The following GULP1 variants were observed in gnomAD, a reference collection of about 807,000 sequenced individuals.
GULP1 encodes the protein PTB domain-containing engulfment adapter protein 1.
A neutral mutation model predicts 40.9 loss-of-function variants in GULP1; 19 were observed. That is an observed-to-expected ratio of 0.46 (90% CI 0.32 to 0.68). GULP1 has a LOEUF of 0.68. Ranked by LOEUF, GULP1 falls within the 30% of genes least tolerant of loss-of-function variation. The pLI, the probability that GULP1 is intolerant of heterozygous loss-of-function variation, is 0.03. For synonymous variants in GULP1, 119 were observed against 117.6 expected (o/e 1.01, Z -0.08); for missense variants, 312 against 362.2 (o/e 0.86, Z 1.12).
chr2:188,313,466 G>C (rs577113380), intron 1 of GULP1, among the ~76,000 whole-genome samples: 29 of 152,082 alleles, frequency 1.9e-4, no homozygotes, highest in Middle Eastern at 3.2e-3. Flanking sequence ...CTGCTCCATT[G>C]GTCTATATGT....
intron 5 of GULP1, among the ~76,000 whole-genome samples, chr2:188,527,026 C>A (rs1160152965): frequency 1.3e-5 from 2 of 152,052 alleles, no homozygotes; most frequent in African/African-American, 4.8e-5. Flanking sequence ...TTTTATTTTT[C>A]TTTATCTCAT....
At chr2:188,349,512 ATGTGCT>A (rs2044160177) in intron 1 of GULP1, among the ~76,000 whole-genome samples, 1 of 152,062 alleles carries the variant, frequency 6.6e-6, no homozygotes, top group African/African-American at 2.4e-5. Context: ...ATATCTTTTC[ATGTGCT>A]TATTAATCAT....
chr2:188,330,372 T>C (rs1313725509), intron 1 of GULP1, among the ~76,000 whole-genome samples: 2 of 152,098 alleles, frequency 1.3e-5, no homozygotes. Context: ...TGTTTGAAAA[T>C]ATTATTTGTC....
At chr2:188,293,372 C>T (rs1349113379) in intron 1 of GULP1, among the ~76,000 whole-genome samples, 1 of 152,182 alleles carries the variant, frequency 6.6e-6, no homozygotes, top group African/African-American at 2.4e-5. Flanking sequence ...AAATACGTTA[C>T]ACCAACATTT....
At chr2:188,515,270 ACT>A (rs1009739684) in intron 4 of GULP1, among the ~76,000 whole-genome samples, 1 of 152,086 alleles carries the variant, frequency 6.6e-6, no homozygotes, top group African/African-American at 2.4e-5. Context: ...TTCCTTGAAC[ACT>A]CATCTTATTC....
intron 4 of GULP1, among the ~76,000 whole-genome samples, chr2:188,489,282 A>G (rs1423907853): frequency 6.6e-6 from 1 of 152,028 alleles, no homozygotes. Context: ...TTGCAATTTC[A>G]TGAGATTCTT....
intron 3 of GULP1, among the ~76,000 whole-genome samples, chr2:188,479,575 A>C (rs2061292949): frequency 6.6e-6 from 1 of 152,062 alleles, no homozygotes; most frequent in South Asian, 2.1e-4. Context: ...ACTGTGCTCA[A>C]TCTGAAGTAT....
intron 9 of GULP1, chr2:188,582,652 A>G (rs1701559476): frequency 2.5e-6 from 1 of 394,132 alleles, no homozygotes; most frequent in East Asian, 7.2e-5. Context: ...AAAGTTATCA[A>G]AAATTTAGAT....
intron 2 of GULP1, among the ~76,000 whole-genome samples, chr2:188,412,658 C>G (rs963675721): frequency 6.6e-6 from 1 of 152,184 alleles, no homozygotes; most frequent in Non-Finnish European, 1.5e-5. Context: ...TTATCCACTT[C>G]CCTTGAGAGC....
chr2:188,427,165 T>A (rs1425928225), intron 2 of GULP1, among the ~76,000 whole-genome samples: 1 of 152,218 alleles, frequency 6.6e-6, no homozygotes, highest in Non-Finnish European at 1.5e-5. Flanking sequence ...TCTACTAGCC[T>A]GTGCTCATAT....
intron 2 of GULP1, among the ~76,000 whole-genome samples, chr2:188,441,593 C>T (rs2057940534): frequency 6.6e-6 from 1 of 152,170 alleles, no homozygotes; most frequent in South Asian, 2.1e-4. Context: ...TGCCTAGCCA[C>T]AGTGAATCTT....
At chr2:188,350,178 CTGGGTTCCTTGT>C (rs1458848742) in intron 1 of GULP1, among the ~76,000 whole-genome samples, 1 of 151,982 alleles carries the variant, frequency 6.6e-6, no homozygotes, top group Admixed American at 6.6e-5. Flanking sequence ...TTTGTCCATT[CTGGGTTCCTTGT>C]ATTTCTATAT....
At chr2:188,381,392 G>C (rs1281420898) in intron 1 of GULP1, among the ~76,000 whole-genome samples, 1 of 150,006 alleles carries the variant, frequency 6.7e-6, no homozygotes, top group East Asian at 1.9e-4. Context: ...AAAAATAAAG[G>C]CTACGGGGAT....
At chr2:188,429,716 T>G (rs909193941) in intron 2 of GULP1, among the ~76,000 whole-genome samples, 1 of 151,994 alleles carries the variant, frequency 6.6e-6, no homozygotes, top group South Asian at 2.1e-4. Flanking sequence ...TTTTGTTGTT[T>G]TTTTTTTTAA....
intron 1 of GULP1, among the ~76,000 whole-genome samples, chr2:188,360,844 A>G (rs2045976012): frequency 6.6e-6 from 1 of 152,118 alleles, no homozygotes; most frequent in South Asian, 2.1e-4. Flanking sequence ...GATTTTAAGA[A>G]TTGAAAAGTA....
chr2:188,472,790 C>T (rs2060698034), intron 2 of GULP1, among the ~76,000 whole-genome samples: 1 of 152,232 alleles, frequency 6.6e-6, no homozygotes, highest in South Asian at 2.1e-4. Context: ...TTTTCTCATG[C>T]CTGATTTAGT....
intron 4 of GULP1, among the ~76,000 whole-genome samples, chr2:188,492,226 T>A (rs2062462226): frequency 6.6e-6 from 1 of 152,070 alleles, no homozygotes; most frequent in Non-Finnish European, 1.5e-5. Flanking sequence ...TTTACATTAT[T>A]AGGTCTTCAA....
intron 1 of GULP1, among the ~76,000 whole-genome samples, chr2:188,359,365 C>A (rs1056045941): frequency 3.3e-5 from 5 of 151,984 alleles, no homozygotes; most frequent in Admixed American, 3.3e-4. Flanking sequence ...GCTAAATAAA[C>A]GGGGCTGTGA....
chr2:188,448,011 A>G (rs552417743), intron 2 of GULP1, among the ~76,000 whole-genome samples: 1 of 152,364 alleles, frequency 6.6e-6, no homozygotes, highest in African/African-American at 2.4e-5. Context: ...AATCAGACAC[A>G]TAGACTGAAG....
Sources: gnomAD v4.1 joint callset for allele counts (sites outside exome capture counted in the v4.1 genomes callset) on GRCh38, gnomAD v4.1.1 for gene constraint, MANE v1.5 for transcripts, NCBI Gene and HGNC (gene_info 2026-07-23, HGNC 2026-07-21) for gene names.